The following ATRX variants were observed in gnomAD, a reference collection of about 807,000 sequenced individuals.
ATRX encodes ATRX chromatin remodeler, also known as chromatin remodeler ATRX.
A neutral mutation model predicts 172.6 loss-of-function variants in ATRX; 12 were observed. That is an observed-to-expected ratio of 0.07 (90% CI 0.04 to 0.11). ATRX has a LOEUF of 0.11. Among genes scored for constraint, ATRX ranks in the 10% least tolerant of loss-of-function variants. The pLI is 1.00. For synonymous variants in ATRX, 674 were observed against 594.7 expected, an observed-to-expected ratio of 1.13 and a Z score of -1.94; for missense variants, 1,368 against 1,767.4, an observed-to-expected ratio of 0.77 and a Z score of 4.05.
intron 30 of ATRX, among the ~76,000 whole-genome samples, chrX:77,539,513 G>A (rs782510887): frequency 9.2e-6 from 1 of 108,892 alleles, no homozygotes; most frequent in Non-Finnish European, 1.9e-5. Context: ...ACACCGCCAG[G>A]AAATAATCAA....
At chrX:77,652,847 A>G (rs1233680618) in intron 14 of ATRX, among the ~76,000 whole-genome samples, 3 of 108,708 alleles carry the variant, frequency 2.8e-5, no homozygotes, top group Non-Finnish European at 3.8e-5. Flanking sequence ...TAAAAAAAAC[A>G]AACAACTCAA....
At chrX:77,776,626 A>G (rs895451773) in intron 1 of ATRX, among the ~76,000 whole-genome samples, 4 of 112,413 alleles carry the variant, frequency 3.6e-5, no homozygotes, top group African/African-American at 1.3e-4. Context: ...GTTAAATAAT[A>G]AATGCTCAAA....
In ATRX at chrX:77,742,760, C is replaced by G. The variant is rs1351888061; in HGVS notation, c.21-25517G>C. Among the ~76,000 whole-genome samples, 8 of 111,631 alleles carry G rather than the reference C, an allele frequency of 7.2e-5. 1 individual carries two copies. ...AGGGTGAGTATTTTTCTGTGGTCCA[C>G]TACCATACAATCCAGTCCTCAGTAG... On this transcript the variant is annotated intron_variant, in intron 1 of 34. Transcript: ENST00000373344.
intron 22 of ATRX, among the ~76,000 whole-genome samples, chrX:77,610,942 T>TAATA (rs1328695880): frequency 1.9e-5 from 2 of 107,959 alleles, no homozygotes; most frequent in Non-Finnish European, 3.8e-5. Context: ...ATTAAAAAAA[T>TAATA]AATAAATAAA....
intron 16 of ATRX, among the ~76,000 whole-genome samples, chrX:77,635,156 G>A (rs1020682274): frequency 1.8e-5 from 2 of 110,882 alleles, no homozygotes; most frequent in South Asian, 3.9e-4. Context: ...GTGGTGGTGT[G>A]CACCTGTAGT....
At chrX:77,724,201 C>T (rs1198032844) in intron 1 of ATRX, among the ~76,000 whole-genome samples, 2 of 109,611 alleles carry the variant, frequency 1.8e-5, no homozygotes, top group Non-Finnish European at 3.8e-5. Flanking sequence ...TCACTTGAGC[C>T]GGGAGGGAGA....
chrX:77,676,059 C>A (rs1667399051), intron 10 of ATRX, 167 bp downstream of exon 10: 1 of 412,863 alleles, frequency 2.4e-6, no homozygotes, highest in Admixed American at 3.9e-5. Flanking sequence ...TGAGTTTTAG[C>A]CCATTTTCTG....
chrX:77,699,670 C>CA (rs1471281650), intron 2 of ATRX: 4 of 111,483 alleles, frequency 3.6e-5, no homozygotes, highest in African/African-American at 1.3e-4. Flanking sequence ...AACTGTGTGC[C>CA]AAAAAACTAA....
chrX:77,636,947 AAGGAGGAAGG>A (rs1450367008), intron 15 of ATRX, among the ~76,000 whole-genome samples: 2 of 99,912 alleles, frequency 2.0e-5, no homozygotes, highest in Non-Finnish European at 4.0e-5. Context: ...GAGAAGGAAG[AAGGAGGAAGG>A]AGGAGGAAGA....
rs192303452 is a variant in ATRX, at chrX:77,539,162, G to A, written c.6700-15761C>T. Among the ~76,000 whole-genome samples the A allele has an allele frequency of 4.3e-3, 477 of 110,443 alleles. 6 individuals are homozygous for A. Among genetic ancestry groups the A allele is most frequent in the Admixed American group, 0.013 (137 of 10,323 alleles). ...CCTGCCTCGGCCTCCTAAAGTGCTG[G>A]GATTACAGGCATGAGCCACTGCACC... is the stretch of plus-strand genomic sequence containing the variant. On this transcript the variant is annotated intron_variant, in intron 30 of 34. Coordinates refer to ENST00000373344, the MANE Select transcript of ATRX (RefSeq NM_000489.6).
intron 1 of ATRX, among the ~76,000 whole-genome samples, chrX:77,747,348 AC>A: frequency 9.1e-6 from 1 of 109,337 alleles, no homozygotes; most frequent in East Asian, 3.0e-4. Context: ...ACATGGTGAA[AC>A]CCCATCTCTA....
intron 30 of ATRX, among the ~76,000 whole-genome samples, chrX:77,550,959 TAA>T (rs1261534185): frequency 9.0e-6 from 1 of 110,998 alleles, no homozygotes; most frequent in Non-Finnish European, 1.9e-5. Context: ...CTCAATGAAA[TAA>T]AAGAGGACAC....
intron 27 of ATRX, among the ~76,000 whole-genome samples, chrX:77,580,449 A>G (rs1393122379): frequency 3.6e-5 from 4 of 112,325 alleles, no homozygotes; most frequent in African/African-American, 1.3e-4. Flanking sequence ...TGGATCTCCA[A>G]TATGTCTGGC....
chrX:77,602,162 G>C (rs2066702766), intron 22 of ATRX, among the ~76,000 whole-genome samples: 1 of 111,241 alleles, frequency 9.0e-6, no homozygotes, highest in South Asian at 3.8e-4. Context: ...ATGCCACCAG[G>C]TTTGGCTAAT....
At position 77,693,882 on chromosome X, in the gene ATRX, T is replaced by C. The variant is rs2148669877; in HGVS notation, c.426A>G (p.Lys142=). 1 of 1,210,372 alleles carries C rather than the reference T, an allele frequency of 8.3e-7. No individual in the cohort carries two copies. The highest frequency in any genetic ancestry group is 1.1e-6 in the Non-Finnish European group (1 of 894,494). The change falls in exon 6 of 35, where the codon AAA becomes AAG. Residue 142 remains lysine, a synonymous_variant. Coordinates refer to ENST00000373344, the MANE Select transcript of ATRX (RefSeq NM_000489.6). ...TACTTCTGCTTCTAAATTCAGGCCC[T>C]TTAAAATCATCTTTGTCTTCATTCA... ...PVLNEDKDDF[K]GPEFRSRSKM... is the part of the protein sequence containing the mutation.
chrX:77,699,104 T>G (rs1603246972), intron 2 of ATRX, among the ~76,000 whole-genome samples: 1 of 109,267 alleles, frequency 9.2e-6, no homozygotes, highest in South Asian at 3.9e-4. Context: ...AAAAAAAAAA[T>G]CAATAAAACC....
At chrX:77,542,106 A>G (rs1348769605) in intron 30 of ATRX, among the ~76,000 whole-genome samples, 2 of 112,368 alleles carry the variant, frequency 1.8e-5, no homozygotes, top group Admixed American at 1.9e-4. Flanking sequence ...CTGATAAGCA[A>G]CTTCAGCAAA....
chrX:77,520,748 T>G lies in ATRX; in HGVS notation c.7200+40A>C, dbSNP rs1557040992. On this transcript the variant is annotated intron_variant, in intron 34 of 34. Transcript: ENST00000373344. The stretch of plus-strand genomic sequence containing the variant: ...AAACTTATTATAAAGTCAAGAAAAT[T>G]AAACATAACCTAGAAATAGTCAGAC... 4.2e-6 allele frequency: 5 copies of G among 1,190,003 alleles called. No homozygotes were observed. The African/African-American group carries it at 5.3e-5, about 13-fold the overall frequency.
chrX:77,553,753 G>A (rs950406125), intron 30 of ATRX, among the ~76,000 whole-genome samples: 15 of 111,767 alleles, frequency 1.3e-4, no homozygotes, highest in Non-Finnish European at 2.6e-4. Context: ...ATCTGTTCAA[G>A]CACATCAATA....
Sources: gnomAD v4.1 joint callset for allele counts (sites outside exome capture counted in the v4.1 genomes callset) on GRCh38, gnomAD v4.1.1 for gene constraint, MANE v1.5 for transcripts, NCBI Gene and HGNC (gene_info 2026-07-23, HGNC 2026-07-21) for gene names.